The following UVRAG variants were observed in gnomAD, a reference collection of about 807,000 sequenced individuals.
UVRAG encodes the protein UV radiation resistance associated.
In UVRAG, 19 loss-of-function variants were observed where a neutral mutation model predicts 78.0. The observed-to-expected ratio is 0.24, with a 90% CI of 0.17 to 0.36. The LOEUF (loss-of-function observed/expected upper bound fraction) is 0.36, where lower values mean the gene tolerates loss of function less well. UVRAG is among the 10% of genes least tolerant of loss of function. The pLI is 1.00. For missense variants in UVRAG, 740 were observed against 853.8 expected (o/e 0.87, Z 1.66); for synonymous variants, 323 against 324.6 (o/e 1.00, Z 0.05).
At chr11:75,871,623 C>T (rs148237287) in intron 3 of UVRAG, among the ~76,000 whole-genome samples, 110 of 152,264 alleles carry the variant, frequency 7.2e-4, no homozygotes, top group African/African-American at 2.5e-3. Flanking sequence ...TTGTGAGATT[C>T]GTTCATGTTG....
At chr11:75,986,257 G>A (rs1949499494) in intron 8 of UVRAG, among the ~76,000 whole-genome samples, 1 of 152,118 alleles carries the variant, frequency 6.6e-6, no homozygotes, top group Admixed American at 6.5e-5. Flanking sequence ...TAGTGTATGG[G>A]TCTTTCCCAT....
chr11:75,968,342 A>G (rs1949064438), intron 7 of UVRAG, among the ~76,000 whole-genome samples: 1 of 152,344 alleles, frequency 6.6e-6, no homozygotes. Flanking sequence ...GTGACATTAC[A>G]CTTGGAGTAA....
At chr11:75,998,732 G>A (rs1205687152) in intron 8 of UVRAG, among the ~76,000 whole-genome samples, 2 of 152,312 alleles carry the variant, frequency 1.3e-5, no homozygotes, top group East Asian at 1.9e-4. Context: ...TTAACAAATC[G>A]TTAATGACCA....
At chr11:75,835,842 C>T (rs1945763403) in intron 1 of UVRAG, among the ~76,000 whole-genome samples, 1 of 152,008 alleles carries the variant, frequency 6.6e-6, no homozygotes, top group South Asian at 2.1e-4. Flanking sequence ...GCCTGTAATC[C>T]CAGCACTTTG....
chr11:76,067,466 T>C (rs908428408), intron 13 of UVRAG, among the ~76,000 whole-genome samples: 4 of 152,140 alleles, frequency 2.6e-5, no homozygotes, highest in African/African-American at 9.7e-5. Flanking sequence ...TCAAAAGTGC[T>C]CAGACTGAGG....
intron 12 of UVRAG, among the ~76,000 whole-genome samples, chr11:76,062,830 G>A (rs1476554065): frequency 2.0e-5 from 3 of 151,992 alleles, no homozygotes; most frequent in Admixed American, 6.5e-5. Context: ...TGTTATAAAC[G>A]TTCTCTAGAA....
At chr11:76,003,203 T>C (rs1398512261) in intron 8 of UVRAG, among the ~76,000 whole-genome samples, 1 of 151,294 alleles carries the variant, frequency 6.6e-6, no homozygotes, top group Non-Finnish European at 1.5e-5. Context: ...GTAAAAATAG[T>C]TGAAAAATCA....
intron 6 of UVRAG, among the ~76,000 whole-genome samples, chr11:75,939,613 C>T (rs1238230715): frequency 6.6e-6 from 1 of 152,028 alleles, no homozygotes; most frequent in Non-Finnish European, 1.5e-5. Context: ...ACTCAGGAAG[C>T]CTCATGAGCA....
intron 6 of UVRAG, among the ~76,000 whole-genome samples, chr11:75,930,204 A>G (rs1327904009): frequency 6.6e-6 from 1 of 152,228 alleles, no homozygotes; most frequent in Non-Finnish European, 1.5e-5. Context: ...AAGATTGTAC[A>G]CTACTTTCTT....
At chr11:75,847,012 A>T (rs1946048840) in intron 1 of UVRAG, among the ~76,000 whole-genome samples, 1 of 149,158 alleles carries the variant, frequency 6.7e-6, no homozygotes, top group Non-Finnish European at 1.5e-5. Flanking sequence ...TTTAGTAGAG[A>T]TGGGGTTTTG....
At chr11:75,936,062 G>C (rs1221661953) in intron 6 of UVRAG, among the ~76,000 whole-genome samples, 1 of 152,164 alleles carries the variant, frequency 6.6e-6, no homozygotes, top group Non-Finnish European at 1.5e-5. Flanking sequence ...ATTTTGGTTT[G>C]TCTGATGTTT....
intron 12 of UVRAG, among the ~76,000 whole-genome samples, chr11:76,064,275 T>G (rs1002068203): frequency 1.2e-4 from 18 of 152,210 alleles, no homozygotes; most frequent in African/African-American, 4.3e-4. Flanking sequence ...GAATAACAGC[T>G]AGACAGCACA....
At position 76,143,613 on chromosome 11, in the gene UVRAG, C is replaced by T. The variant is rs553261044; in HGVS notation, c.*2200C>T. Reference sequence around the variant, plus strand: ...TCAAAACACCACTTAGGTTTGGGTTCGTTTAGTTCGAGTTTGGGGTTTTCA... The same window carrying T: ...TCAAAACACCACTTAGGTTTGGGTTTGTTTAGTTCGAGTTTGGGGTTTTCA... On this transcript the variant is annotated 3_prime_UTR_variant, in exon 15 of 15. Coordinates refer to ENST00000356136, the MANE Select transcript of UVRAG (RefSeq NM_003369.4). Among the ~76,000 whole-genome samples, 2 of 152,306 alleles carry T rather than the reference C, an allele frequency of 1.3e-5. No individual in the cohort carries two copies. Among genetic ancestry groups the T allele is most frequent in the Admixed American group, 6.5e-5 (1 of 15,304 alleles).
chr11:76,128,265 TCA>T (rs1463968200), intron 14 of UVRAG, among the ~76,000 whole-genome samples: 3 of 152,244 alleles, frequency 2.0e-5, no homozygotes, highest in Admixed American at 2.0e-4. Context: ...TGTGAACTAC[TCA>T]CGCGGGGGAT....
At chr11:76,073,671 TC>T (rs762083298) in intron 13 of UVRAG, among the ~76,000 whole-genome samples, 9 of 152,158 alleles carry the variant, frequency 5.9e-5, no homozygotes, top group Non-Finnish European at 1.0e-4. Context: ...TAGGTAAAGA[TC>T]CTTTCAAAGT....
chr11:76,056,898 A>G (rs748259711), intron 12 of UVRAG, among the ~76,000 whole-genome samples: 3 of 152,182 alleles, frequency 2.0e-5, no homozygotes, highest in Admixed American at 6.5e-5. Context: ...TGGTCTCTCT[A>G]AGGGTGATTC....
intron 13 of UVRAG, among the ~76,000 whole-genome samples, chr11:76,106,098 C>G (rs1951963252): frequency 1.3e-5 from 2 of 152,088 alleles, no homozygotes. Context: ...ACCCAGATGT[C>G]CCTCAACTGG....
intron 13 of UVRAG, among the ~76,000 whole-genome samples, chr11:76,103,766 A>C (rs754221288): frequency 6.6e-6 from 1 of 152,144 alleles, no homozygotes. Flanking sequence ...AAGGCACCTC[A>C]TTACCAGATT....
intron 13 of UVRAG, among the ~76,000 whole-genome samples, chr11:76,115,468 T>C (rs1287048578): frequency 6.6e-6 from 1 of 152,228 alleles, no homozygotes; most frequent in East Asian, 1.9e-4. Context: ...AAGATGGTCC[T>C]TACCCTTGTT....
Sources: gnomAD v4.1 joint callset for allele counts (sites outside exome capture counted in the v4.1 genomes callset) on GRCh38, gnomAD v4.1.1 for gene constraint, MANE v1.5 for transcripts, NCBI Gene and HGNC (gene_info 2026-07-23, HGNC 2026-07-21) for gene names.